ZSWIM6: variants seen among roughly 807,000 people sequenced by gnomAD.
ZSWIM6 encodes zinc finger SWIM-type containing 6, also known as zinc finger SWIM domain-containing protein 6.
Under a neutral mutation model 113.2 loss-of-function variants are expected in ZSWIM6, and 9 were observed. The ratio of observed to expected loss-of-function variants is 0.08; its 90% confidence interval spans 0.05 to 0.14. The LOEUF (loss-of-function observed/expected upper bound fraction) is 0.14, where lower values mean the gene tolerates loss of function less well. ZSWIM6 is among the 10% of genes least tolerant of loss of function. ZSWIM6 has a pLI of 1.00. For synonymous variants in ZSWIM6, 611 were observed against 606.5 expected (o/e 1.01, Z -0.11); for missense variants, 1,162 against 1,552.2 (o/e 0.75, Z 4.22).
chr5:61,335,860 A>T lies in ZSWIM6; in HGVS notation c.676+2912A>T, dbSNP rs552020812. ...TTAAAAAGAAATTTAAGGGAAAAAA[A>T]TAAACCTTTGTTATAGTAGTTGTAA... On this transcript the variant is annotated intron_variant, in intron 1 of 13. Transcript: ENST00000252744. 4.8e-4 allele frequency among the ~76,000 whole-genome samples: 73 copies of T among 152,380 alleles called. 2 individuals carry two copies. Among genetic ancestry groups the T allele is most frequent in the African/African-American group, 1.7e-3 (71 of 41,588 alleles).
At chr5:61,333,121 C>T (rs1231052797) in intron 1 of ZSWIM6, among the ~76,000 whole-genome samples, 173 bp downstream of exon 1, 1 of 151,800 alleles carries the variant, frequency 6.6e-6, no homozygotes, top group Non-Finnish European at 1.5e-5. Flanking sequence ...TTCCTCCCTC[C>T]CTTCCCTGCC....
intron 1 of ZSWIM6, among the ~76,000 whole-genome samples, chr5:61,432,547 C>T (rs903166880): frequency 6.6e-6 from 1 of 152,186 alleles, no homozygotes; most frequent in Admixed American, 6.5e-5. Flanking sequence ...TAGCCTTGGG[C>T]CCCAATGCCC....
intron 1 of ZSWIM6, among the ~76,000 whole-genome samples, chr5:61,415,299 T>C (rs935551311): frequency 5.3e-5 from 8 of 152,066 alleles, no homozygotes; most frequent in Admixed American, 2.0e-4. Context: ...ATATTTAGGA[T>C]AAAAACCCTT....
At chr5:61,344,850 T>C (rs1041675290) in intron 1 of ZSWIM6, among the ~76,000 whole-genome samples, 8 of 152,244 alleles carry the variant, frequency 5.3e-5, no homozygotes, top group Non-Finnish European at 1.2e-4. Flanking sequence ...CAAAACTAAA[T>C]TTCAGACATA....
intron 4 of ZSWIM6, among the ~76,000 whole-genome samples, chr5:61,517,935 T>TCCCGCCC (rs1561274812): frequency 1.3e-5 from 1 of 76,584 alleles, no homozygotes; most frequent in Non-Finnish European, 2.4e-5. Flanking sequence ...CCAAATGCTA[T>TCCCGCCC]CCCTCCCCCC....
At position 61,539,266 on chromosome 5, in the gene ZSWIM6, T is replaced by G. The variant is rs146701173; in HGVS notation, c.2539+295T>G. Reference sequence around the variant, plus strand: ...GTTACATTTTTTTCTTCCTGAAATATTCACCAAAAATACATAAGTAGGAAC... The same window carrying G: ...GTTACATTTTTTTCTTCCTGAAATAGTCACCAAAAATACATAAGTAGGAAC... On this transcript the variant is annotated intron_variant, in intron 11 of 13. Transcript: ENST00000252744. Among the ~76,000 whole-genome samples the G allele has an allele frequency of 3.8e-3, 581 of 152,288 alleles. 5 individuals are homozygous for G. The highest frequency in any genetic ancestry group is 2.2e-3 in the Non-Finnish European group (152 of 68,020).
intron 1 of ZSWIM6, among the ~76,000 whole-genome samples, chr5:61,335,806 G>A (rs1461288100): frequency 1.3e-5 from 2 of 152,022 alleles, no homozygotes; most frequent in East Asian, 3.9e-4. Flanking sequence ...TAAACCTATT[G>A]GTAGTTACTG....
intron 1 of ZSWIM6, among the ~76,000 whole-genome samples, chr5:61,446,376 T>A (rs1276579219): frequency 6.6e-6 from 1 of 152,216 alleles, no homozygotes; most frequent in African/African-American, 2.4e-5. Context: ...GCTAACTACT[T>A]TGTGATCTGT....
intron 1 of ZSWIM6, chr5:61,375,743 G>A: frequency 1.3e-6 from 2 of 1,533,762 alleles, no homozygotes; most frequent in East Asian, 2.4e-5. Flanking sequence ...AAGAAGAAAA[G>A]CAGTGAAGAA....
intron 11 of ZSWIM6, 90 bp downstream of exon 11, chr5:61,539,061 T>A: frequency 1.5e-6 from 2 of 1,354,736 alleles, no homozygotes; most frequent in Non-Finnish European, 2.0e-6. Flanking sequence ...TTCTCAGCAG[T>A]GGTGTTAATG....
At chr5:61,482,066 G>A (rs1747880215) in intron 2 of ZSWIM6, among the ~76,000 whole-genome samples, 1 of 152,124 alleles carries the variant, frequency 6.6e-6, no homozygotes, top group African/African-American at 2.4e-5. Flanking sequence ...AAATACATGA[G>A]TTATGTTTCT....
chr5:61,438,593 C>T (rs1318333123), intron 1 of ZSWIM6, among the ~76,000 whole-genome samples: 4 of 152,188 alleles, frequency 2.6e-5, no homozygotes, highest in South Asian at 2.1e-4. Context: ...CTTAAGAGCA[C>T]GTAATATCAG....
At chr5:61,388,067 C>A (rs1248926962) in intron 1 of ZSWIM6, among the ~76,000 whole-genome samples, 2 of 150,594 alleles carry the variant, frequency 1.3e-5, no homozygotes, top group Admixed American at 1.3e-4. Flanking sequence ...ACTGCAACCT[C>A]CGCCTCTCGG....
At chr5:61,524,784 G>A (rs1749234963) in intron 5 of ZSWIM6, among the ~76,000 whole-genome samples, 1 of 152,202 alleles carries the variant, frequency 6.6e-6, no homozygotes, top group South Asian at 2.1e-4. Context: ...AGAACAATGA[G>A]AGGTTATATT....
chr5:61,458,283 T>TC (rs367735111), intron 1 of ZSWIM6, among the ~76,000 whole-genome samples: 82 of 152,332 alleles, frequency 5.4e-4, no homozygotes, highest in African/African-American at 1.9e-3. Context: ...GTCTAGGTTT[T>TC]CACCATGCAT....
intron 1 of ZSWIM6, among the ~76,000 whole-genome samples, chr5:61,371,841 T>C (rs1444562156): frequency 1.3e-5 from 2 of 152,088 alleles, no homozygotes; most frequent in African/African-American, 4.8e-5. Context: ...AAAGTTGACC[T>C]ATTGTATTAT....
chr5:61,337,592 G>A (rs375525328), intron 1 of ZSWIM6, among the ~76,000 whole-genome samples: 1 of 152,314 alleles, frequency 6.6e-6, no homozygotes, highest in Non-Finnish European at 1.5e-5. Flanking sequence ...GAAATACTCA[G>A]TGGAATACTA....
intron 1 of ZSWIM6, among the ~76,000 whole-genome samples, chr5:61,399,852 G>A (rs1474188288): frequency 6.6e-6 from 1 of 152,122 alleles, no homozygotes; most frequent in African/African-American, 2.4e-5. Flanking sequence ...ACAAATCTGG[G>A]ACCCTGGAAA....
intron 4 of ZSWIM6, among the ~76,000 whole-genome samples, chr5:61,497,612 C>A (rs1341224270): frequency 6.6e-6 from 1 of 152,130 alleles, no homozygotes; most frequent in Non-Finnish European, 1.5e-5. Flanking sequence ...ATCTCATTTA[C>A]AGATACATTT....
Sources: allele counts gnomAD v4.1 joint callset (sites outside exome capture counted in the v4.1 genomes callset), GRCh38; gene constraint gnomAD v4.1.1; transcripts MANE v1.5; gene names NCBI Gene and HGNC (gene_info 2026-07-23, HGNC 2026-07-21).